Variants in ACTR3C observed in about 807,000 individuals in gnomAD.
The protein encoded by ACTR3C is actin related protein 3C, also known as actin-related protein 3C.
A neutral mutation model predicts 26.3 loss-of-function variants in ACTR3C; 18 were observed. That is an observed-to-expected ratio of 0.68 (90% confidence interval 0.47 to 1.01). ACTR3C has a LOEUF of 1.01. Ranked by LOEUF, ACTR3C falls within the 50% of genes least tolerant of loss-of-function variation. The pLI is 0.00. For synonymous variants in ACTR3C, 55 were observed against 94.5 expected (o/e 0.58, Z 2.42); for missense variants, 184 against 250.7 (o/e 0.73, Z 1.80).
the ACTR3C span, among the ~76,000 whole-genome samples, chr7:150,048,019 C>T: frequency 3.3e-5 from 5 of 152,278 alleles, no homozygotes; most frequent in East Asian, 9.7e-4. Context: ...GCGCGCCACT[C>T]GCGAGTCTCC....
At chr7:149,918,183 T>C in the ACTR3C span, among the ~76,000 whole-genome samples, 9 of 152,116 alleles carry the variant, frequency 5.9e-5, no homozygotes, top group East Asian at 1.7e-3. Flanking sequence ...TTTTTCTCTA[T>C]GTTACTTCGT....
chr7:150,278,158 C>T (rs1835039949), intron 6 of ACTR3C, among the ~76,000 whole-genome samples: 1 of 152,194 alleles, frequency 6.6e-6, no homozygotes, highest in South Asian at 2.1e-4. Flanking sequence ...CTCTCCTTCA[C>T]CCTAGTGCTG....
intron 1 of ACTR3C, among the ~76,000 whole-genome samples, chr7:150,300,550 C>T (rs1358068311): frequency 6.6e-6 from 1 of 151,700 alleles, no homozygotes; most frequent in Non-Finnish European, 1.5e-5. Context: ...ACTGTGTGTG[C>T]ATCACTTCTT....
At chr7:149,923,650 T>C in the ACTR3C span, among the ~76,000 whole-genome samples, 13 of 152,108 alleles carry the variant, frequency 8.5e-5, no homozygotes, top group Non-Finnish European at 1.8e-4. Flanking sequence ...TTACTAAAAA[T>C]AGGAGGCCTT....
the ACTR3C span, among the ~76,000 whole-genome samples, chr7:149,913,917 A>C: frequency 3.7e-5 from 5 of 134,162 alleles, no homozygotes; most frequent in Admixed American, 8.5e-5. Flanking sequence ...AGACAGTCTC[A>C]CTCTGTCACC....
At chr7:150,237,307 C>G in the ACTR3C span, among the ~76,000 whole-genome samples, 1 of 152,200 alleles carries the variant, frequency 6.6e-6, no homozygotes, top group Non-Finnish European at 1.5e-5. Flanking sequence ...TTGCAAGCAC[C>G]TACGTTGGCT....
At chr7:150,081,507 T>C in the ACTR3C span, among the ~76,000 whole-genome samples, 1 of 151,540 alleles carries the variant, frequency 6.6e-6, no homozygotes, top group East Asian at 1.9e-4. Flanking sequence ...TAGCCAGTCA[T>C]CTAAGGTTTG....
chr7:149,922,866 A>G, the ACTR3C span, among the ~76,000 whole-genome samples: 2 of 149,732 alleles, frequency 1.3e-5, no homozygotes, highest in Non-Finnish European at 3.0e-5. Flanking sequence ...ATAGTAATTT[A>G]TGGCTCTGTC....
chr7:149,983,073 TA>T, the ACTR3C span, among the ~76,000 whole-genome samples: 2 of 152,058 alleles, frequency 1.3e-5, no homozygotes, highest in African/African-American at 4.8e-5. Flanking sequence ...TGGATATCCA[TA>T]CAAGAGAACT....
chr7:150,187,140 T>A, the ACTR3C span, among the ~76,000 whole-genome samples: 8,902 of 148,484 alleles, frequency 0.06, 483 homozygotes, highest in African/African-American at 0.14. Flanking sequence ...TTTGATTCTC[T>A]GCTTACTTCT....
chr7:149,895,142 A>C, the ACTR3C span, among the ~76,000 whole-genome samples: 2 of 107,066 alleles, frequency 1.9e-5, no homozygotes, highest in African/African-American at 2.7e-5. Flanking sequence ...AGCCAGGCAC[A>C]GAAAGACAAA....
At chr7:149,931,535 A>C in the ACTR3C span, among the ~76,000 whole-genome samples, 1 of 152,172 alleles carries the variant, frequency 6.6e-6, no homozygotes, top group South Asian at 2.1e-4. Context: ...GTTTGCACCC[A>C]CAGTGACACG....
chr7:150,296,998 G>A (rs1472495846), intron 1 of ACTR3C, among the ~76,000 whole-genome samples: 3 of 27,326 alleles, frequency 1.1e-4, no homozygotes, highest in African/African-American at 9.2e-5. Flanking sequence ...AGAACTGTGA[G>A]AAAACAACGA....
chr7:149,933,699 A>G, the ACTR3C span, among the ~76,000 whole-genome samples: 1 of 152,194 alleles, frequency 6.6e-6, no homozygotes, highest in Non-Finnish European at 1.5e-5. Context: ...TCTACTCAAC[A>G]CTAGCAACGC....
At chr7:149,959,596 A>T in the ACTR3C span, among the ~76,000 whole-genome samples, 1 of 152,148 alleles carries the variant, frequency 6.6e-6, no homozygotes, top group Admixed American at 6.5e-5. Flanking sequence ...TCCAGCAGGG[A>T]CTTCACTCAT....
chr7:150,025,457 C>G, the ACTR3C span, among the ~76,000 whole-genome samples: 1 of 152,168 alleles, frequency 6.6e-6, no homozygotes, highest in Middle Eastern at 3.4e-3. Flanking sequence ...ATTTAACTAG[C>G]TGCATTTTTC....
the ACTR3C span, among the ~76,000 whole-genome samples, chr7:150,177,785 A>C: frequency 6.6e-6 from 1 of 150,792 alleles, no homozygotes; most frequent in Non-Finnish European, 1.5e-5. Context: ...AGGTAGATAA[A>C]AACATCTGAC....
chr7:149,901,965 T>C, the ACTR3C span, among the ~76,000 whole-genome samples: 5,281 of 134,180 alleles, frequency 0.039, 132 homozygotes, highest in Middle Eastern at 0.083. Flanking sequence ...TCCAACAAGC[T>C]CTGCAGTTGA....
intron 1 of ACTR3C, among the ~76,000 whole-genome samples, chr7:150,299,478 A>C (rs922634997): frequency 2.7e-5 from 4 of 146,776 alleles, no homozygotes; most frequent in Admixed American, 6.7e-5. Context: ...AAAAAAAAAA[A>C]AAAAAAAAAA....
Sources: gnomAD v4.1 joint callset for allele counts (sites outside exome capture counted in the v4.1 genomes callset) on GRCh38, gnomAD v4.1.1 for gene constraint, MANE v1.5 for transcripts, NCBI Gene and HGNC (gene_info 2026-07-23, HGNC 2026-07-21) for gene names.